The following OSBPL10 variants were observed in gnomAD, a reference collection of about 807,000 sequenced individuals.
OSBPL10 encodes oxysterol binding protein like 10, also known as oxysterol-binding protein-related protein 10.
OSBPL10 carries 49 observed loss-of-function variants against 81.7 expected under a neutral mutation model. The ratio of observed to expected loss-of-function variants is 0.60; its 90% CI spans 0.48 to 0.76. The LOEUF (loss-of-function observed/expected upper bound fraction) is 0.76. Ranked by LOEUF, OSBPL10 falls within the 30% of genes least tolerant of loss-of-function variation. The pLI is 0.00. For synonymous variants in OSBPL10, 419 were observed against 383.6 expected (o/e 1.09, Z -1.08); for missense variants, 923 against 987.8 (o/e 0.93, Z 0.88).
At position 31,830,223 on chromosome 3, in the gene OSBPL10, T is replaced by C. The variant is rs143729137; in HGVS notation, c.546A>G (p.Pro182=). 5.8e-4 allele frequency: 936 copies of C among 1,613,230 alleles called. 5 individuals are homozygous for C. The highest frequency in any genetic ancestry group is 7.1e-4 in the Non-Finnish European group (836 of 1,179,676). The change falls in exon 4 of 12, where the codon CCA becomes CCG. Residue 182 remains proline, a synonymous_variant. Transcript: ENST00000396556. ...AAGTGAGACTTCGGCTTCGGGAGCT[T>C]GGAGCACTCTAGAATAAGCAACAGG... ...YHMEMNSKSA[P]SSRSRSLTLL...
At chr3:31,956,782 T>C (rs1259597277) in intron 1 of OSBPL10, among the ~76,000 whole-genome samples, 9 of 151,128 alleles carry the variant, frequency 6.0e-5, no homozygotes, top group Admixed American at 5.9e-4. Flanking sequence ...TAGAGTAGGA[T>C]TTGGGATACA....
chr3:31,708,833 G>A, intron 6 of OSBPL10: 1 of 985,404 alleles, frequency 1.0e-6, no homozygotes, highest in Non-Finnish European at 1.2e-6. Context: ...TCAGCTGAAA[G>A]GGTGGATGTT....
At chr3:31,776,623 G>C (rs1051376777) in intron 4 of OSBPL10, among the ~76,000 whole-genome samples, 7 of 152,034 alleles carry the variant, frequency 4.6e-5, no homozygotes, top group Non-Finnish European at 8.8e-5. Flanking sequence ...CATACAAAAA[G>C]GAATGAAATA....
At chr3:31,892,253 G>A (rs1695913742) in intron 1 of OSBPL10, among the ~76,000 whole-genome samples, 1 of 152,026 alleles carries the variant, frequency 6.6e-6, no homozygotes, top group South Asian at 2.1e-4. Flanking sequence ...AGTGTGTTTG[G>A]AGCAAAGAGA....
intron 1 of OSBPL10, among the ~76,000 whole-genome samples, chr3:32,069,658 G>A (rs1016651415): frequency 3.7e-4 from 57 of 152,192 alleles, no homozygotes; most frequent in Non-Finnish European, 7.2e-4. Context: ...ATTGGAATCC[G>A]GCCCTCAAAC....
At chr3:31,936,048 C>T (rs1345092725) in intron 1 of OSBPL10, among the ~76,000 whole-genome samples, 1 of 152,172 alleles carries the variant, frequency 6.6e-6, no homozygotes, top group Non-Finnish European at 1.5e-5. Flanking sequence ...ACCATCCCTT[C>T]TCAACTCCTG....
intron 1 of OSBPL10, among the ~76,000 whole-genome samples, chr3:31,884,329 A>G (rs917066414): frequency 2.6e-5 from 4 of 152,230 alleles, no homozygotes; most frequent in Admixed American, 1.3e-4. Context: ...TACTAAGGAG[A>G]GTTATCAATA....
At chr3:31,780,833 C>A (rs988430007) in intron 4 of OSBPL10, among the ~76,000 whole-genome samples, 1 of 150,126 alleles carries the variant, frequency 6.7e-6, no homozygotes, top group Non-Finnish European at 1.5e-5. Flanking sequence ...TGCCCCCCAC[C>A]CCCCCAAAAA....
At chr3:31,687,244 C>A (rs564139428) in intron 7 of OSBPL10, among the ~76,000 whole-genome samples, 1 of 152,058 alleles carries the variant, frequency 6.6e-6, no homozygotes, top group Non-Finnish European at 1.5e-5. Flanking sequence ...AAGATAATTG[C>A]GTAACCTTGG....
At chr3:31,736,497 A>G (rs1296409345) in intron 5 of OSBPL10, among the ~76,000 whole-genome samples, 2 of 152,232 alleles carry the variant, frequency 1.3e-5, no homozygotes, top group Non-Finnish European at 2.9e-5. Flanking sequence ...TCAAGACACT[A>G]GAATCTGCCA....
At chr3:31,683,204 A>T (rs973975559) in intron 8 of OSBPL10, among the ~76,000 whole-genome samples, 8 of 152,198 alleles carry the variant, frequency 5.3e-5, no homozygotes, top group Non-Finnish European at 7.3e-5. Context: ...TGTTTTGGGA[A>T]TTTTTACGAG....
At chr3:31,954,138 C>T (rs1329433088) in intron 1 of OSBPL10, among the ~76,000 whole-genome samples, 1 of 152,158 alleles carries the variant, frequency 6.6e-6, no homozygotes, top group Non-Finnish European at 1.5e-5. Flanking sequence ...GTGAGGTGCC[C>T]GTGCATTGGC....
intron 6 of OSBPL10, chr3:31,711,130 G>A (rs1221871324): frequency 6.6e-6 from 1 of 152,228 alleles, no homozygotes; most frequent in East Asian, 1.9e-4. Context: ...TTTCACAGAG[G>A]TGGAGCCTCC....
chr3:32,053,364 GA>G (rs1575093233), intron 1 of OSBPL10, among the ~76,000 whole-genome samples: 1 of 152,184 alleles, frequency 6.6e-6, no homozygotes, highest in Non-Finnish European at 1.5e-5. Flanking sequence ...GAAGGTTTGT[GA>G]AAAATTAACC....
chr3:31,881,928 T>C (rs1259720661), intron 1 of OSBPL10, among the ~76,000 whole-genome samples: 1 of 152,250 alleles, frequency 6.6e-6, no homozygotes, highest in Non-Finnish European at 1.5e-5. Context: ...AACTCTTCTG[T>C]GTCCAAAGTT....
At chr3:32,060,560 C>CTTGTTGG (rs1575094549) in intron 1 of OSBPL10, among the ~76,000 whole-genome samples, 2 of 96,840 alleles carry the variant, frequency 2.1e-5, no homozygotes, top group Non-Finnish European at 2.8e-5. Flanking sequence ...ATAATATCCC[C>CTTGTTGG]ACTCTTCATC....
intron 1 of OSBPL10, among the ~76,000 whole-genome samples, chr3:31,979,376 C>A (rs1698767716): frequency 6.6e-6 from 1 of 152,168 alleles, no homozygotes; most frequent in South Asian, 2.1e-4. Flanking sequence ...AATATAGAAA[C>A]AACTCAGTTT....
At chr3:31,763,713 T>C (rs1698125774) in intron 4 of OSBPL10, among the ~76,000 whole-genome samples, 1 of 152,158 alleles carries the variant, frequency 6.6e-6, no homozygotes, top group Non-Finnish European at 1.5e-5. Flanking sequence ...CTTTTCCACC[T>C]AGAATTAATT....
intron 3 of OSBPL10, among the ~76,000 whole-genome samples, chr3:31,854,633 T>G (rs1481116324): frequency 6.6e-6 from 1 of 152,210 alleles, no homozygotes; most frequent in African/African-American, 2.4e-5. Context: ...TTCAAACTTA[T>G]AGAAAGTTGA....
Sources: gnomAD v4.1 joint callset for allele counts (sites outside exome capture counted in the v4.1 genomes callset) on GRCh38, gnomAD v4.1.1 for gene constraint, MANE v1.5 for transcripts, NCBI Gene and HGNC (gene_info 2026-07-23, HGNC 2026-07-21) for gene names.